HS6ST2: variants seen among roughly 807,000 people sequenced by gnomAD.
HS6ST2 encodes the protein heparan-sulfate 6-O-sulfotransferase 2.
In HS6ST2, 17 loss-of-function variants were observed where a neutral mutation model predicts 33.0. That is an observed-to-expected ratio of 0.52 (90% CI 0.35 to 0.77). HS6ST2 has a LOEUF of 0.77. HS6ST2 is among the 30% of genes least tolerant of loss of function. The probability of loss-of-function intolerance (pLI) is 0.01; values close to 1 mark genes in which losing one functional copy is unlikely to be tolerated. For missense variants in HS6ST2, 519 were observed against 551.7 expected (o/e 0.94, Z 0.59); for synonymous variants, 248 against 237.1 (o/e 1.05, Z -0.42).
intron 3 of HS6ST2, among the ~76,000 whole-genome samples, chrX:132,679,358 G>A (rs1390106264): frequency 9.0e-6 from 1 of 111,710 alleles, no homozygotes. Context: ...TGGGCATCTG[G>A]GGGAGACATC....
intron 2 of HS6ST2, among the ~76,000 whole-genome samples, chrX:132,866,132 A>C (rs1413592851): frequency 9.0e-6 from 1 of 110,601 alleles, no homozygotes; most frequent in African/African-American, 3.3e-5. Context: ...TTAAGTCTTT[A>C]ATCCATCTTG....
intron 4 of HS6ST2, among the ~76,000 whole-genome samples, chrX:132,663,553 GAA>G (rs900006560): frequency 9.8e-5 from 11 of 112,545 alleles, no homozygotes; most frequent in Non-Finnish European, 1.7e-4. Flanking sequence ...AAAGAAAAAA[GAA>G]AGTAAAAGAA....
chrX:132,722,062 C>T (rs1404065199), intron 2 of HS6ST2, among the ~76,000 whole-genome samples: 1 of 108,507 alleles, frequency 9.2e-6, no homozygotes, highest in African/African-American at 3.3e-5. Context: ...TTGGCGGGCG[C>T]CTGTAGTCCC....
rs148210404 is a variant in HS6ST2 at position 132,911,149 on chromosome X, C to CAAA, written c.947+45656_947+45658dup. On this transcript the variant is annotated intron_variant, in intron 2 of 4. Transcript: ENST00000370833. ...TGGGTGACAGAGCGAGACGCTATCT[C>CAAA]AAAAAAAAAAAAAAAACTTAGAGGG... Among the ~76,000 whole-genome samples, 8 of 87,384 alleles carry CAAA rather than the reference C, an allele frequency of 9.2e-5. No homozygotes were observed. In the East Asian group the frequency reaches 1.5e-3, roughly 16 times the overall value. The allele number at this position is 87,384 out of a possible 115,157, so 75.9% of individuals were successfully genotyped here. A position where few individuals can be genotyped will look rare whatever the true frequency, so the allele number is the denominator to read the frequency against.
At chrX:132,724,137 AAAAAG>A (rs200784395) in intron 2 of HS6ST2, among the ~76,000 whole-genome samples, 29,161 of 103,831 alleles carry the variant, frequency 0.28, 4,887 homozygotes, top group African/African-American at 0.56. Context: ...ACTCCATTTC[AAAAAG>A]AAAAGAAAAG....
At chrX:132,874,848 C>T (rs947705036) in intron 2 of HS6ST2, among the ~76,000 whole-genome samples, 13 of 111,594 alleles carry the variant, frequency 1.2e-4, no homozygotes, top group African/African-American at 3.9e-4. Flanking sequence ...CAAAGACCTC[C>T]CCAGACTTGA....
intron 2 of HS6ST2, among the ~76,000 whole-genome samples, chrX:132,868,017 A>T (rs769883246): frequency 7.8e-4 from 87 of 112,086 alleles, no homozygotes; most frequent in Admixed American, 1.5e-3. Flanking sequence ...AAGACCCATC[A>T]GTGTGCTGTA....
chrX:132,947,693 A>AT (rs1432568022), intron 2 of HS6ST2, among the ~76,000 whole-genome samples: 1 of 111,572 alleles, frequency 9.0e-6, no homozygotes, highest in Admixed American at 9.6e-5. Flanking sequence ...ATATAGCTGG[A>AT]TTTTTTATTT....
intron 2 of HS6ST2, among the ~76,000 whole-genome samples, chrX:132,717,606 G>T (rs2064287828): frequency 8.9e-6 from 1 of 112,164 alleles, no homozygotes; most frequent in Non-Finnish European, 1.9e-5. Context: ...CATGAAAAAG[G>T]CTTTAAGCCA....
intron 2 of HS6ST2, among the ~76,000 whole-genome samples, chrX:132,862,285 C>T (rs928987102): frequency 8.9e-6 from 1 of 111,776 alleles, no homozygotes; most frequent in African/African-American, 3.2e-5. Flanking sequence ...GACTGTTGTC[C>T]TTTATTGTAT....
At chrX:132,922,434 A>G (rs2066661583) in intron 2 of HS6ST2, among the ~76,000 whole-genome samples, 1 of 112,259 alleles carries the variant, frequency 8.9e-6, no homozygotes, top group Admixed American at 9.4e-5. Context: ...AATGCAACTC[A>G]TTACCAACAA....
chrX:132,929,887 C>T (rs1308501775), intron 2 of HS6ST2, among the ~76,000 whole-genome samples: 1 of 111,699 alleles, frequency 9.0e-6, no homozygotes, highest in Non-Finnish European at 1.9e-5. Context: ...AGCTAGGAGA[C>T]TTATTTCAGG....
At chrX:132,751,629 AAAGG>A (rs1313349866) in intron 2 of HS6ST2, among the ~76,000 whole-genome samples, 1 of 112,725 alleles carries the variant, frequency 8.9e-6, no homozygotes, top group East Asian at 2.8e-4. Context: ...TGAGCATGGA[AAAGG>A]AAGGACAAGA....
intron 2 of HS6ST2, among the ~76,000 whole-genome samples, chrX:132,797,604 A>G (rs1952193371): frequency 8.9e-6 from 1 of 112,061 alleles, no homozygotes; most frequent in Non-Finnish European, 1.9e-5. Context: ...ATGTGTGTGC[A>G]TTAGGAGAAG....
chrX:132,706,323 A>G (rs2064188846), intron 3 of HS6ST2, among the ~76,000 whole-genome samples: 1 of 112,333 alleles, frequency 8.9e-6, no homozygotes, highest in Non-Finnish European at 1.9e-5. Flanking sequence ...TTAACTTTAT[A>G]GAGGTCTATT....
chrX:132,847,841 G>A (rs2065766511), intron 2 of HS6ST2, among the ~76,000 whole-genome samples: 1 of 112,151 alleles, frequency 8.9e-6, no homozygotes, highest in Non-Finnish European at 1.9e-5. Flanking sequence ...AGCTCCGAAG[G>A]GCTGGCATAG....
At chrX:132,833,663 A>G (rs960203700) in intron 2 of HS6ST2, among the ~76,000 whole-genome samples, 2 of 111,332 alleles carry the variant, frequency 1.8e-5, no homozygotes, top group Non-Finnish European at 3.8e-5. Flanking sequence ...AGGAGCATTC[A>G]CAGGAAGGGA....
chrX:132,881,504 T>A (rs1437566696), intron 2 of HS6ST2, among the ~76,000 whole-genome samples: 5 of 111,330 alleles, frequency 4.5e-5, no homozygotes, highest in African/African-American at 1.6e-4. Flanking sequence ...TGTTGAGTTC[T>A]TTGTAGATTC....
intron 4 of HS6ST2, among the ~76,000 whole-genome samples, chrX:132,664,135 C>T (rs868637863): frequency 8.9e-5 from 10 of 111,750 alleles, no homozygotes; most frequent in Admixed American, 3.8e-4. Context: ...CTCAGCCTCC[C>T]GAGTAGCTGG....
Sources: gnomAD v4.1 joint callset for allele counts (sites outside exome capture counted in the v4.1 genomes callset) on GRCh38, gnomAD v4.1.1 for gene constraint, MANE v1.5 for transcripts, NCBI Gene and HGNC (gene_info 2026-07-23, HGNC 2026-07-21) for gene names.